Variants in LINGO2 observed in about 807,000 individuals in gnomAD.
LINGO2 encodes leucine rich repeat and Ig domain containing 2, also known as leucine-rich repeat and immunoglobulin-like domain-containing nogo receptor-interacting protein 2.
A neutral mutation model predicts 30.6 loss-of-function variants in LINGO2; 14 were observed. The ratio of observed to expected loss-of-function variants is 0.46; its 90% confidence interval spans 0.30 to 0.72. The LOEUF is 0.72. LINGO2 is among the 30% of genes least tolerant of loss of function. LINGO2 has a pLI of 0.07. For synonymous variants in LINGO2, 317 were observed against 288.5 expected (o/e 1.10, Z -1.00); for missense variants, 729 against 751.7 (o/e 0.97, Z 0.35).
chr9:28,341,145 T>C (rs577417381), intron 3 of LINGO2, among the ~76,000 whole-genome samples: 1 of 152,240 alleles, frequency 6.6e-6, no homozygotes, highest in South Asian at 2.1e-4. Flanking sequence ...TATAAATCTT[T>C]AACCAATTCA....
intron 5 of LINGO2, among the ~76,000 whole-genome samples, chr9:27,964,915 A>G (rs1217496965): frequency 1.3e-5 from 2 of 152,058 alleles, no homozygotes. Flanking sequence ...TAAAGTATGT[A>G]TATGTATGTT....
the LINGO2 span, among the ~76,000 whole-genome samples, chr9:28,755,362 C>A: frequency 6.6e-6 from 1 of 152,068 alleles, no homozygotes; most frequent in Non-Finnish European, 1.5e-5. Flanking sequence ...GAGCAAACTA[C>A]TTAACCTCTC....
the LINGO2 span, among the ~76,000 whole-genome samples, chr9:29,169,030 C>T: frequency 1.3e-5 from 2 of 152,180 alleles, no homozygotes; most frequent in African/African-American, 4.8e-5. Context: ...CTACTGCAAC[C>T]TCCATCTCCC....
chr9:28,617,729 T>C (rs1255244822), intron 1 of LINGO2, among the ~76,000 whole-genome samples: 1 of 152,112 alleles, frequency 6.6e-6, no homozygotes, highest in Non-Finnish European at 1.5e-5. Flanking sequence ...ATCTTTACTT[T>C]TTTTTTATTT....
intron 4 of LINGO2, among the ~76,000 whole-genome samples, chr9:28,213,366 A>G (rs913831714): frequency 6.6e-6 from 1 of 151,486 alleles, no homozygotes; most frequent in African/African-American, 2.4e-5. Flanking sequence ...ATCTTCAGAA[A>G]TAGTCCATGC....
At chr9:28,570,874 T>G (rs1305823030) in intron 1 of LINGO2, among the ~76,000 whole-genome samples, 1 of 152,004 alleles carries the variant, frequency 6.6e-6, no homozygotes, top group Non-Finnish European at 1.5e-5. Flanking sequence ...AGACATGCAT[T>G]GTATTCACTA....
At chr9:28,781,216 G>A in the LINGO2 span, among the ~76,000 whole-genome samples, 1 of 152,030 alleles carries the variant, frequency 6.6e-6, no homozygotes, top group Non-Finnish European at 1.5e-5. Flanking sequence ...AAGCCCATAT[G>A]ATCTGAGCTG....
chr9:29,142,081 C>T, the LINGO2 span, among the ~76,000 whole-genome samples: 3 of 151,692 alleles, frequency 2.0e-5, no homozygotes, highest in African/African-American at 7.2e-5. Flanking sequence ...CAGAATATTC[C>T]ACCCAATGGC....
the LINGO2 span, among the ~76,000 whole-genome samples, chr9:29,197,846 T>C: frequency 6.6e-6 from 1 of 152,114 alleles, no homozygotes; most frequent in Admixed American, 6.6e-5. Flanking sequence ...AGTTTTCACA[T>C]GGGTATTCTG....
At chr9:28,979,570 A>C in the LINGO2 span, among the ~76,000 whole-genome samples, 2 of 152,044 alleles carry the variant, frequency 1.3e-5, no homozygotes, top group Non-Finnish European at 2.9e-5. Flanking sequence ...TATATTCCAA[A>C]TGGGACCTTT....
chr9:28,154,965 T>C (rs1457339258), intron 4 of LINGO2, among the ~76,000 whole-genome samples: 1 of 152,252 alleles, frequency 6.6e-6, no homozygotes, highest in Non-Finnish European at 1.5e-5. Flanking sequence ...AAATCATTGG[T>C]ATATTGCAAC....
At chr9:29,091,773 T>C in the LINGO2 span, among the ~76,000 whole-genome samples, 1 of 152,084 alleles carries the variant, frequency 6.6e-6, no homozygotes, top group African/African-American at 2.4e-5. Context: ...TTCATTCACC[T>C]TGCCCATGAG....
chr9:28,802,839 T>C, the LINGO2 span, among the ~76,000 whole-genome samples: 1 of 152,022 alleles, frequency 6.6e-6, no homozygotes, highest in Non-Finnish European at 1.5e-5. Context: ...TCTAGTTCTC[T>C]CACTGCTAAG....
chr9:28,872,713 G>T, the LINGO2 span, among the ~76,000 whole-genome samples: 3 of 152,072 alleles, frequency 2.0e-5, no homozygotes, highest in Non-Finnish European at 4.4e-5. Flanking sequence ...ACAGTTCTTA[G>T]ATGTATTAAG....
the LINGO2 span, among the ~76,000 whole-genome samples, chr9:29,124,020 G>T: frequency 6.6e-6 from 1 of 152,058 alleles, no homozygotes. Flanking sequence ...ATACTACAAG[G>T]CTATAGTAAC....
chr9:28,838,650 C>A, the LINGO2 span, among the ~76,000 whole-genome samples: 1 of 152,132 alleles, frequency 6.6e-6, no homozygotes, highest in Non-Finnish European at 1.5e-5. Context: ...CCTATATATT[C>A]TCCTATATAT....
chr9:28,502,052 G>A (rs868417864), intron 1 of LINGO2, among the ~76,000 whole-genome samples: 12 of 151,394 alleles, frequency 7.9e-5, no homozygotes, highest in Non-Finnish European at 8.8e-5. Context: ...TGGATAAAGG[G>A]AAGAAAGGAG....
At chr9:28,119,382 G>T (rs1827027901) in intron 4 of LINGO2, among the ~76,000 whole-genome samples, 1 of 152,210 alleles carries the variant, frequency 6.6e-6, no homozygotes, top group South Asian at 2.1e-4. Flanking sequence ...GAAGCATGGG[G>T]TCTAGAACCA....
At chr9:28,047,801 TA>T (rs66857336) in intron 4 of LINGO2, among the ~76,000 whole-genome samples, 123,762 of 150,154 alleles carry the variant, frequency 0.82, 53,969 homozygotes, top group Non-Finnish European at 0.94. Flanking sequence ...AAGAGCAAAG[TA>T]TTTTTTTTAC....
Sources: allele counts gnomAD v4.1 joint callset (sites outside exome capture counted in the v4.1 genomes callset), GRCh38; gene constraint gnomAD v4.1.1; transcripts MANE v1.5; gene names NCBI Gene and HGNC (gene_info 2026-07-23, HGNC 2026-07-21).